DHRS11: variants seen among roughly 807,000 people sequenced by gnomAD.
DHRS11 encodes the protein dehydrogenase/reductase SDR family member 11.
In DHRS11, 18 loss-of-function variants were observed where a neutral mutation model predicts 30.7. The observed-to-expected ratio is 0.59, with a 90% CI of 0.41 to 0.87. DHRS11 has a LOEUF of 0.87. Among genes scored for constraint, DHRS11 ranks in the 40% least tolerant of loss-of-function variants. The pLI is 0.00. For missense variants in DHRS11, 300 were observed against 349.0 expected, an observed-to-expected ratio of 0.86 and a Z score of 1.12; for synonymous variants, 123 against 139.6, an observed-to-expected ratio of 0.88 and a Z score of 0.84.
At position 36,592,896 on chromosome 17, in the gene DHRS11, A is replaced by G. The variant is rs60044334; in HGVS notation, c.147+740A>G. On this transcript the variant is annotated intron_variant, in intron 1 of 6. Coordinates refer to ENST00000618403, the MANE Select transcript of DHRS11 (RefSeq NM_024308.4). The surrounding 1 kb of genome is among the most constrained non-coding windows in gnomAD (Gnocchi z 4.4). Reference sequence around the variant, plus strand: ...CAGTGTCGGGCTAGTGCTTAGCTGCAGGGCTTTATCTCCACCGTGCTCAAA... The same window carrying G: ...CAGTGTCGGGCTAGTGCTTAGCTGCGGGGCTTTATCTCCACCGTGCTCAAA... Among the ~76,000 whole-genome samples the G allele has an allele frequency of 0.031, 4,694 of 152,186 alleles. 222 individuals are homozygous for G. The highest frequency in any genetic ancestry group is 0.11 in the African/African-American group (4,387 of 41,482).
Position 36,591,990 on chromosome 17 carries a change from C to G in DHRS11, c.-20C>G. The G allele has an allele frequency of 3.3e-6, 4 of 1,224,570 alleles. No homozygotes were observed. 75.9% of individuals were successfully genotyped at this position (1,224,570 alleles called of 1,614,324 possible). A position where few individuals can be genotyped will look rare whatever the true frequency, so the allele number is the denominator to read the frequency against. On this transcript the variant is annotated 5_prime_UTR_variant, in exon 1 of 7. Transcript: ENST00000618403. Reference sequence around the variant, plus strand: ...CCCGTGTCGGGCTAGTCCAGCGAGGCGGACGGGCGGCGTGGGCCCATGGCC... The same window carrying G: ...CCCGTGTCGGGCTAGTCCAGCGAGGGGGACGGGCGGCGTGGGCCCATGGCC...
Position 36,598,148 on chromosome 17 carries a change from C to T in DHRS11, c.358-15C>T, listed in dbSNP as rs777656908. Reference sequence around the variant, plus strand: ...GCCGGAGTGGAGACACCTCATTGCCCTCCCTGGCCTGCAGGTGAACGTGCT... The same window carrying T: ...GCCGGAGTGGAGACACCTCATTGCCTTCCCTGGCCTGCAGGTGAACGTGCT... On this transcript the variant is annotated splice_polypyrimidine_tract_variant and intron_variant, in intron 2 of 6. Transcript: ENST00000618403. 1.9e-6 allele frequency: 3 copies of T among 1,613,636 alleles called. No homozygotes were observed. The South Asian group carries it at 3.3e-5, about 18-fold the overall frequency.
Position 36,598,218 on chromosome 17 carries a change from A to G in DHRS11, c.413A>G (p.Glu138Gly). The G allele has an allele frequency of 1.2e-6, 2 of 1,614,100 alleles. No individual in the cohort carries two copies. The highest frequency in any genetic ancestry group is 1.1e-5 in the South Asian group (1 of 91,080). ...CGGGAAGCCTACCAGTCCATGAAGG[A>G]GCGGAATGTGGACGATGGGCACATC... ...CTREAYQSMK[E>G]RNVDDGHIIN... Residue 138 changes from glutamate (E) to glycine (G), a missense_variant, in exon 3 of 7, where the codon GAG (glutamate) becomes GGG (glycine). Glu to Gly is a moderately conservative substitution (Grantham distance 98). Transcript: ENST00000618403.
In DHRS11 at chr17:36,598,168, C is replaced by T. The variant is rs564529310; in HGVS notation, c.363C>T (p.Asn121=). The change falls in exon 3 of 7, where the codon AAC becomes AAT. Residue 121 remains asparagine (N), a synonymous_variant. Coordinates refer to ENST00000618403, the MANE Select transcript of DHRS11 (RefSeq NM_024308.4). The part of the protein sequence containing the change: ...TSGWKDMFNV[N]VLALSICTRE... Reference sequence around the variant, plus strand: ...TTGCCCTCCCTGGCCTGCAGGTGAACGTGCTGGCCCTCAGCATCTGCACAC... The same window carrying T: ...TTGCCCTCCCTGGCCTGCAGGTGAATGTGCTGGCCCTCAGCATCTGCACAC... The T allele has an allele frequency of 2.2e-5, 35 of 1,614,010 alleles. 1 individual carries two copies. Among genetic ancestry groups the T allele is most frequent in the South Asian group, 1.5e-4 (14 of 91,084 alleles).
Position 36,599,705 on chromosome 17 carries a change from C to T in DHRS11, c.617C>T (p.Ala206Val), listed in dbSNP as rs1344830295. 1 of 1,614,034 alleles carries T rather than the reference C, an allele frequency of 6.2e-7. No homozygotes were observed. Among genetic ancestry groups the T allele is most frequent in the Non-Finnish European group, 8.5e-7 (1 of 1,180,036 alleles). The change falls in exon 5 of 7, where the codon GCC becomes GTC. Residue 206 changes from alanine (A) to valine (V), a missense_variant. By Grantham distance (64) the Ala-to-Val change is moderately conservative. Transcript: ENST00000618403. Reference sequence around the variant, plus strand: ...CCAGGTGTGGTGGAGACACAATTCGCCTTCAAACTCCACGACAAGGACCCT... The same window carrying T: ...CCAGGTGTGGTGGAGACACAATTCGTCTTCAAACTCCACGACAAGGACCCT... ...ISPGVVETQF[A>V]FKLHDKDPEK...
chr17:36,592,043 C>G lies in DHRS11; in HGVS notation c.34C>G (p.Arg12Gly), dbSNP rs753485461. The G allele has an allele frequency of 8.6e-5, 106 of 1,232,516 alleles. No individual in the cohort carries two copies. The Middle Eastern group carries it at 8.9e-4, about 10-fold the overall frequency. 76.3% of individuals were successfully genotyped at this position (1,232,516 alleles called of 1,614,324 possible). A position where few individuals can be genotyped will look rare whatever the true frequency, so the allele number is the denominator to read the frequency against. ...GCCCGGCATGGAGCGGTGGCGCGAC[C>G]GGCTGGCGCTGGTGACGGGGGCCTC... is the stretch of plus-strand genomic sequence containing the variant. ...ARPGMERWRD[R>G]LALVTGASGG... The change falls in exon 1 of 7, where the codon CGG (arginine) becomes GGG (glycine). Residue 12 changes from arginine (R) to glycine (G), a missense_variant. Arg to Gly is a moderately radical substitution (Grantham distance 125). Coordinates refer to ENST00000618403, the MANE Select transcript of DHRS11 (RefSeq NM_024308.4). This position sits in a 1 kb window ranked among gnomAD's most constrained non-coding sequence, Gnocchi z 4.4.
chr17:36,592,218 C>A lies in DHRS11; in HGVS notation c.147+62C>A. On this transcript the variant is annotated intron_variant, in intron 1 of 6. Transcript: ENST00000618403. This position sits in a 1 kb window ranked among gnomAD's most constrained non-coding sequence, Gnocchi z 4.4. ...GTCGTTTCCCCGGAGTCGGGTTCACCTGCCCGCCACGCCGGGGCCCTTTGC... is the reference window on the plus strand; with the variant it reads ...GTCGTTTCCCCGGAGTCGGGTTCACATGCCCGCCACGCCGGGGCCCTTTGC... The A allele has an allele frequency of 8.1e-7, 1 of 1,234,396 alleles. No homozygotes were observed. The highest frequency in any genetic ancestry group is 1.0e-6 in the Non-Finnish European group (1 of 988,544). 76.5% of individuals were successfully genotyped at this position (1,234,396 alleles called of 1,614,324 possible).
At chr17:36,597,839 T>A (rs367792342) in intron 2 of DHRS11, 308 of 471,658 alleles carry the variant, frequency 6.5e-4, no homozygotes, top group African/African-American at 5.6e-3. Context: ...AGAGGGTCTG[T>A]GCTACTGTTC....
Position 36,592,005 on chromosome 17 carries a change from G to A in DHRS11, c.-5G>A. 8.2e-7 allele frequency: 1 copy of A among 1,226,422 alleles called. No individual in the cohort carries two copies. The highest frequency in any genetic ancestry group is 1.0e-6 in the Non-Finnish European group (1 of 984,246). 76.0% of individuals were successfully genotyped at this position (1,226,422 alleles called of 1,614,324 possible). ...TCCAGCGAGGCGGACGGGCGGCGTG[G>A]GCCCATGGCCAGGCCCGGCATGGAG... On this transcript the variant is annotated 5_prime_UTR_variant, in exon 1 of 7. Coordinates refer to ENST00000618403, the MANE Select transcript of DHRS11 (RefSeq NM_024308.4). This position sits in a 1 kb window ranked among gnomAD's most constrained non-coding sequence, Gnocchi z 4.4.
intron 2 of DHRS11, 65 bp downstream of exon 2, chr17:36,595,245 T>C (rs561854020): frequency 1.8e-4 from 285 of 1,585,804 alleles, no homozygotes; most frequent in Non-Finnish European, 2.3e-4. Flanking sequence ...GCCAGGGGTT[T>C]GTGAACCAGA....
rs892743423 is a variant in DHRS11 at position 36,592,014 on chromosome 17, C to G, written c.5C>G (p.Ala2Gly). ...GCGGACGGGCGGCGTGGGCCCATGG[C>G]CAGGCCCGGCATGGAGCGGTGGCGC... M[A>G]RPGMERWRDR... The change falls in exon 1 of 7, where the codon GCC (alanine) becomes GGC (glycine). Residue 2 changes from alanine (A) to glycine (G), a missense_variant. Ala to Gly is a moderately conservative substitution (Grantham distance 60). Transcript: ENST00000618403. This position sits in a 1 kb window ranked among gnomAD's most constrained non-coding sequence, Gnocchi z 4.4. 136 of 1,227,938 alleles carry G rather than the reference C, an allele frequency of 1.1e-4. No homozygotes were observed. The highest frequency in any genetic ancestry group is 1.3e-4 in the Non-Finnish European group (131 of 985,226). 76.1% of individuals were successfully genotyped at this position (1,227,938 alleles called of 1,614,324 possible). A position where few individuals can be genotyped will look rare whatever the true frequency, so the allele number is the denominator to read the frequency against.
chr17:36,598,273 C>T lies in DHRS11; in HGVS notation c.452+16C>T, dbSNP rs370883504. On this transcript the variant is annotated intron_variant, in intron 3 of 6. Transcript: ENST00000618403. ...ACATCAATAGGTGAGGGCAGGTGGC[C>T]AATGGGTACCACTCACCCACCAGGC... 38 of 1,612,028 alleles carry T rather than the reference C, an allele frequency of 2.4e-5. No individual in the cohort carries two copies. The highest frequency in any genetic ancestry group is 1.3e-4 in the Admixed American group (8 of 59,956).
chr17:36,596,955 C>T, intron 2 of DHRS11: 1 of 453,114 alleles, frequency 2.2e-6, no homozygotes, highest in South Asian at 1.6e-5. Context: ...TGGACCTCAA[C>T]TCGCCCATCT....
intron 1 of DHRS11, chr17:36,594,692 G>A (rs2074794765): frequency 3.6e-6 from 2 of 551,644 alleles, no homozygotes; most frequent in South Asian, 2.3e-5. Context: ...TGGGATTACA[G>A]GCATGAGCCA....
Position 36,600,009 on chromosome 17 carries a change from A to C in DHRS11, c.713A>C (p.Tyr238Ser). Residue 238 changes from tyrosine (Y) to serine (S), a missense_variant, in exon 6 of 7, where the codon TAC (tyrosine) becomes TCC (serine). Coordinates refer to ENST00000618403, the MANE Select transcript of DHRS11 (RefSeq NM_024308.4). ...KPEDVAEAVI[Y>S]VLSTPAHIQI... ...GAGGATGTGGCCGAGGCTGTTATCT[A>C]CGTCCTCAGCACCCCCGCACACATC... 6.2e-7 allele frequency: 1 copy of C among 1,613,752 alleles called. No individual in the cohort carries two copies. Among genetic ancestry groups the C allele is most frequent in the Non-Finnish European group, 8.5e-7 (1 of 1,179,920 alleles).
rs2074776972 is a variant in DHRS11 at position 36,592,593 on chromosome 17, A to T, written c.147+437A>T. On this transcript the variant is annotated intron_variant, in intron 1 of 6. Coordinates refer to ENST00000618403, the MANE Select transcript of DHRS11 (RefSeq NM_024308.4). The surrounding 1 kb of genome is among the most constrained non-coding windows in gnomAD (Gnocchi z 4.4). ...GGTGGGAGCTTTACTGAAGAGCCTC[A>T]GCCCCGCCCCCTCACCTCGGGGGTA... Among the ~76,000 whole-genome samples, 1 of 152,154 alleles carries T rather than the reference A, an allele frequency of 6.6e-6. No homozygotes were observed. Among genetic ancestry groups the T allele is most frequent in the Non-Finnish European group, 1.5e-5 (1 of 68,018 alleles).
rs2142809841 is a variant in DHRS11, at chr17:36,592,830, T to G, written c.147+674T>G. 6.6e-6 allele frequency among the ~76,000 whole-genome samples: 1 copy of G among 152,220 alleles called. No individual in the cohort carries two copies. Among genetic ancestry groups the G allele is most frequent in the Non-Finnish European group, 1.5e-5 (1 of 68,010 alleles). ...CCATTTTGGAGCAGGGAGGAATTTC[T>G]GTGCTAGGCTCTCTCTGGATGTGCC... On this transcript the variant is annotated intron_variant, in intron 1 of 6. Coordinates refer to ENST00000618403, the MANE Select transcript of DHRS11 (RefSeq NM_024308.4). The surrounding 1 kb of genome is among the most constrained non-coding windows in gnomAD (Gnocchi z 4.4).
chr17:36,597,076 C>A (rs1286667292), intron 2 of DHRS11: 2 of 308,490 alleles, frequency 6.5e-6, no homozygotes, highest in African/African-American at 2.2e-5. Context: ...CCCCTGATAC[C>A]CTAGACCTGG....
intron 4 of DHRS11, chr17:36,599,253 C>G (rs1007624019): frequency 1.4e-5 from 12 of 837,012 alleles, no homozygotes; most frequent in Non-Finnish European, 2.1e-5. Context: ...AGCCAACGAC[C>G]AGACTTAGAC....
Sources: allele counts gnomAD v4.1 joint callset (sites outside exome capture counted in the v4.1 genomes callset), GRCh38; gene constraint gnomAD v4.1.1; non-coding constraint Gnocchi (gnomAD v3.1); transcripts MANE v1.5; gene names NCBI Gene and HGNC (gene_info 2026-07-23, HGNC 2026-07-21).